CECR2: variants seen among roughly 807,000 people sequenced by gnomAD.
CECR2 encodes chromatin remodeling regulator CECR2.
CECR2 carries 30 observed loss-of-function variants against 154.5 expected under a neutral mutation model. The ratio of observed to expected loss-of-function variants is 0.19; its 90% confidence interval spans 0.15 to 0.26. CECR2 has a LOEUF of 0.26. Ranked by LOEUF, CECR2 falls within the 10% of genes least tolerant of loss-of-function variation. CECR2 has a pLI of 1.00. For synonymous variants in CECR2, 725 were observed against 683.7 expected (o/e 1.06, Z -0.94); for missense variants, 1,743 against 1,829.3 (o/e 0.95, Z 0.86).
intron 16 of CECR2, among the ~76,000 whole-genome samples, chr22:17,543,721 G>T (rs954095100): frequency 1.3e-5 from 2 of 151,566 alleles, no homozygotes; most frequent in Admixed American, 1.3e-4. Context: ...CACCACACCC[G>T]GCTAATTTTT....
chr22:17,532,843 A>G (rs938784674), intron 9 of CECR2, among the ~76,000 whole-genome samples: 2 of 147,922 alleles, frequency 1.4e-5, no homozygotes, highest in African/African-American at 2.5e-5. Flanking sequence ...TCAGCCTCCA[A>G]AGTAGCTGGG....
intron 2 of CECR2, among the ~76,000 whole-genome samples, chr22:17,487,716 T>C (rs1414164427): frequency 2.0e-5 from 3 of 152,094 alleles, no homozygotes; most frequent in African/African-American, 7.2e-5. Flanking sequence ...TAATACTTAC[T>C]GCTAAAATGT....
intron 1 of CECR2, among the ~76,000 whole-genome samples, chr22:17,400,035 TA>T (rs1337350030): frequency 6.6e-6 from 1 of 152,196 alleles, no homozygotes; most frequent in Non-Finnish European, 1.5e-5. Context: ...TATTTTATAA[TA>T]TATTAAGTTC....
intron 17 of CECR2, among the ~76,000 whole-genome samples, chr22:17,549,919 C>G (rs2056683035): frequency 1.3e-5 from 2 of 151,364 alleles, no homozygotes; most frequent in South Asian, 4.2e-4. Flanking sequence ...AGCCAGCACA[C>G]CTGGCCTGGA....
chr22:17,541,721 G>A (rs1456445429), intron 14 of CECR2, 118 bp from the exon 15 acceptor site: 8 of 1,270,888 alleles, frequency 6.3e-6, no homozygotes, highest in South Asian at 1.6e-5. Flanking sequence ...GTCTCCAGCC[G>A]AGGTTTAGTC....
intron 1 of CECR2, among the ~76,000 whole-genome samples, chr22:17,428,044 T>C (rs777500284): frequency 1.4e-4 from 21 of 152,232 alleles, no homozygotes; most frequent in Non-Finnish European, 2.8e-4. Flanking sequence ...TGGTATCTCA[T>C]TGTGGTTTTG....
intron 2 of CECR2, among the ~76,000 whole-genome samples, chr22:17,493,261 T>C (rs1601452633): frequency 6.6e-6 from 1 of 152,194 alleles, no homozygotes; most frequent in East Asian, 1.9e-4. Context: ...CGTGAGCTAC[T>C]GCGCCCGGCC....
intron 4 of CECR2, 56 bp downstream of exon 4, chr22:17,499,605 T>A: frequency 1.3e-6 from 2 of 1,504,224 alleles, no homozygotes; most frequent in Non-Finnish European, 1.8e-6. Context: ...TCATTAAGAT[T>A]AAATGCATCA....
At chr22:17,412,330 A>G (rs2054079331) in intron 1 of CECR2, among the ~76,000 whole-genome samples, 1 of 152,142 alleles carries the variant, frequency 6.6e-6, no homozygotes, top group African/African-American at 2.4e-5. Context: ...CAGTTGGTAA[A>G]GTCATTCTGC....
chr22:17,537,263 T>C, intron 10 of CECR2, 31 bp downstream of exon 10: 1 of 1,610,396 alleles, frequency 6.2e-7, no homozygotes, highest in Non-Finnish European at 8.5e-7. Flanking sequence ...ACAACAGCAG[T>C]AGCAACTGGT....
chr22:17,498,284 G>C (rs552120371), intron 3 of CECR2, among the ~76,000 whole-genome samples: 1 of 152,056 alleles, frequency 6.6e-6, no homozygotes, highest in Admixed American at 6.6e-5. Context: ...CCAGCTACTC[G>C]GGAGGCTGAG....
intron 9 of CECR2, 151 bp from the exon 10 acceptor site, chr22:17,536,952 A>G (rs1044771003): frequency 2.4e-5 from 19 of 793,662 alleles, no homozygotes; most frequent in Non-Finnish European, 3.5e-5. Flanking sequence ...AAACATCCTA[A>G]TTACCAAAAA....
chr22:17,390,485 A>C (rs531636691), intron 1 of CECR2, among the ~76,000 whole-genome samples: 7 of 152,330 alleles, frequency 4.6e-5, no homozygotes, highest in African/African-American at 1.7e-4. Context: ...GATACTTTGC[A>C]AACATCCTGT....
chr22:17,467,707 G>C (rs1311454857), intron 1 of CECR2, among the ~76,000 whole-genome samples: 2 of 152,078 alleles, frequency 1.3e-5, no homozygotes, highest in Non-Finnish European at 2.9e-5. Context: ...ATTTGAACCT[G>C]GGAGGCGGAG....
At chr22:17,404,931 GA>G (rs2053958695) in intron 1 of CECR2, among the ~76,000 whole-genome samples, 1 of 152,108 alleles carries the variant, frequency 6.6e-6, no homozygotes. Context: ...TCAATTTGTA[GA>G]AAATGGGCCT....
chr22:17,378,059 C>T (rs1009352068), intron 1 of CECR2, among the ~76,000 whole-genome samples: 1 of 132,590 alleles, frequency 7.5e-6, no homozygotes, highest in Non-Finnish European at 1.7e-5. Flanking sequence ...TCTTGGCTCA[C>T]TGCAACCTCC....
At chr22:17,471,546 A>T (rs1260295364) in intron 1 of CECR2, among the ~76,000 whole-genome samples, 4 of 151,362 alleles carry the variant, frequency 2.6e-5, no homozygotes, top group Non-Finnish European at 5.9e-5. Flanking sequence ...TGTTTGTTTG[A>T]TTGTTTCTGA....
Position 17,432,619 on chromosome 22 carries a change from T to C in CECR2, c.127-44969T>C, listed in dbSNP as rs374201067. Among the ~76,000 whole-genome samples, 4 of 152,322 alleles carry C rather than the reference T, an allele frequency of 2.6e-5. No homozygotes were observed. The South Asian group carries it at 8.3e-4, about 32-fold the overall frequency. On this transcript the variant is annotated intron_variant, in intron 1 of 18. Coordinates refer to ENST00000262608, the MANE Select transcript of CECR2 (RefSeq NM_001290047.2). ...TGAGGATTCCAGTGTTTCCACATCC[T>C]CGCCAACACTTGTTTTTTATTTTTA...
intron 1 of CECR2, among the ~76,000 whole-genome samples, chr22:17,435,684 TAAAAA>T (rs10694414): frequency 5.8e-4 from 53 of 90,944 alleles, no homozygotes; most frequent in African/African-American, 2.0e-3. Context: ...TTTTAATTCT[TAAAAA>T]AAAAAAAAAA....
Sources: allele counts gnomAD v4.1 joint callset (sites outside exome capture counted in the v4.1 genomes callset), GRCh38; gene constraint gnomAD v4.1.1; transcripts MANE v1.5; gene names NCBI Gene and HGNC (gene_info 2026-07-23, HGNC 2026-07-21).